Variants in CUX1 observed in about 807,000 individuals in gnomAD.
CUX1 encodes cut like homeobox 1, also known as protein CASP.
In CUX1, 31 loss-of-function variants were observed where a neutral mutation model predicts 158.8. The ratio of observed to expected loss-of-function variants is 0.20; its 90% CI spans 0.15 to 0.26. The LOEUF is 0.26. Ranked by LOEUF, CUX1 falls within the 10% of genes least tolerant of loss-of-function variation. The probability of loss-of-function intolerance (pLI) is 1.00; values close to 1 mark genes in which losing one functional copy is unlikely to be tolerated. For missense variants in CUX1, 1,589 were observed against 2,014.6 expected, an observed-to-expected ratio of 0.79 and a Z score of 4.04; for synonymous variants, 879 against 862.1, an observed-to-expected ratio of 1.02 and a Z score of -0.34.
intron 17 of CUX1, among the ~76,000 whole-genome samples, chr7:102,200,755 C>T (rs998831273): frequency 4.6e-5 from 7 of 151,840 alleles, no homozygotes; most frequent in African/African-American, 7.3e-5. Flanking sequence ...AGAGGTCAGG[C>T]GCGGTGGCTC....
At position 102,069,500 on chromosome 7, in the gene CUX1, G is replaced by A. The variant is rs574087967; in HGVS notation, c.190-839G>A. 3.2e-4 allele frequency among the ~76,000 whole-genome samples: 49 copies of A among 152,268 alleles called. 2 individuals carry two copies. The South Asian group carries it at 7.1e-3, about 22-fold the overall frequency. On this transcript the variant is annotated intron_variant, in intron 3 of 23. Transcript: ENST00000292535. ...GCAGTGGCTCACGCCTGTAATCCCCGCACTTTGGGAGGCTGAGGCGGGCAG... is the reference window on the plus strand; with the variant it reads ...GCAGTGGCTCACGCCTGTAATCCCCACACTTTGGGAGGCTGAGGCGGGCAG...
chr7:102,191,036 A>G (rs765638767), intron 12 of CUX1, among the ~76,000 whole-genome samples: 10 of 152,068 alleles, frequency 6.6e-5, no homozygotes, highest in Non-Finnish European at 1.2e-4. Flanking sequence ...TCTCACTTCC[A>G]TGACCAGCTG....
intron 1 of CUX1, among the ~76,000 whole-genome samples, chr7:101,827,243 T>TCCTTCTCTTCTCTTCTCTTC (rs1304139881): frequency 3.4e-4 from 18 of 53,430 alleles, no homozygotes; most frequent in Non-Finnish European, 6.2e-4. Flanking sequence ...TCCCCTCCCC[T>TCCTTCTCTTCTCTTCTCTTC]CCTTCTCTTC....
At chr7:102,061,394 G>A (rs1242785988) in intron 3 of CUX1, among the ~76,000 whole-genome samples, 1 of 152,126 alleles carries the variant, frequency 6.6e-6, no homozygotes, top group Non-Finnish European at 1.5e-5. Flanking sequence ...CCCTAGGAGG[G>A]GCCAGGAGCC....
chr7:102,195,382 C>T, intron 13 of CUX1, 125 bp from the exon 14 acceptor site: 1 of 693,580 alleles, frequency 1.4e-6, no homozygotes, highest in Non-Finnish European at 2.3e-6. Context: ...AGCCCACTTC[C>T]TAATCAGATC....
At chr7:102,165,055 A>G (rs528100003) in intron 9 of CUX1, among the ~76,000 whole-genome samples, 68 of 152,202 alleles carry the variant, frequency 4.5e-4, no homozygotes, top group African/African-American at 1.6e-3. Context: ...TGTTGGTTCC[A>G]GAGGGAGAAG....
chr7:101,922,703 A>AT (rs758218822), intron 2 of CUX1, among the ~76,000 whole-genome samples: 2 of 152,168 alleles, frequency 1.3e-5, no homozygotes, highest in Non-Finnish European at 2.9e-5. Flanking sequence ...TGGGTGACAG[A>AT]TGAGTACCAA....
chr7:102,222,944 C>T (rs1274463627), intron 20 of CUX1, among the ~76,000 whole-genome samples: 4 of 150,172 alleles, frequency 2.7e-5, no homozygotes, highest in Admixed American at 6.7e-5. Flanking sequence ...CTCAGCTTCC[C>T]GAGTAGCTGG....
At chr7:102,045,047 C>T (rs1822574556) in intron 3 of CUX1, among the ~76,000 whole-genome samples, 1 of 152,142 alleles carries the variant, frequency 6.6e-6, no homozygotes, top group Non-Finnish European at 1.5e-5. Flanking sequence ...GATGTGGCTG[C>T]TGTACTGTCA....
intron 1 of CUX1, among the ~76,000 whole-genome samples, chr7:101,863,600 C>T (rs1797678940): frequency 6.6e-6 from 1 of 152,242 alleles, no homozygotes; most frequent in African/African-American, 2.4e-5. Context: ...ATCCACCCGC[C>T]TCGGCCTCCC....
At position 102,215,599 on chromosome 7, in the gene CUX1, C is replaced by A. The variant is rs1796973568; in HGVS notation, c.3130+10429C>A. On this transcript the variant is annotated intron_variant, in intron 20 of 23. Coordinates refer to ENST00000292535, the MANE Select transcript of CUX1 (RefSeq NM_181552.4). The stretch of plus-strand genomic sequence containing the variant: ...CAATTTCATCACAAATTAAGTAAAG[C>A]AGTATGGAGAGATTAGGAGGACGTG... Among the ~76,000 whole-genome samples, 3 of 152,134 alleles carry A rather than the reference C, an allele frequency of 2.0e-5. No homozygotes were observed. In the South Asian group the frequency reaches 6.2e-4, roughly 32 times the overall value.
intron 2 of CUX1, among the ~76,000 whole-genome samples, chr7:101,936,671 C>T (rs1806981635): frequency 2.0e-5 from 3 of 152,228 alleles, no homozygotes; most frequent in Admixed American, 6.5e-5. Context: ...TGTGTTTGTG[C>T]GGAGGGTGGC....
intron 8 of CUX1, among the ~76,000 whole-genome samples, chr7:102,122,081 C>A (rs1832106253): frequency 6.6e-6 from 1 of 152,162 alleles, no homozygotes; most frequent in Admixed American, 6.5e-5. Context: ...ACCCAGCTGT[C>A]TTGACCATCA....
intron 1 of CUX1, among the ~76,000 whole-genome samples, chr7:101,903,750 A>G (rs1802424395): frequency 6.6e-6 from 1 of 152,084 alleles, no homozygotes; most frequent in Admixed American, 6.5e-5. Context: ...AGCGTCTAGC[A>G]AGTATTCTAT....
chr7:101,883,587 A>AT (rs918723843), intron 1 of CUX1, among the ~76,000 whole-genome samples: 296 of 124,588 alleles, frequency 2.4e-3, no homozygotes, highest in Middle Eastern at 7.8e-3. Flanking sequence ...TTTTTCTTTA[A>AT]TTTTTTTTTG....
intron 4 of CUX1, among the ~76,000 whole-genome samples, chr7:102,077,361 A>G (rs1014830110): frequency 2.6e-5 from 4 of 151,898 alleles, no homozygotes; most frequent in African/African-American, 9.7e-5. Context: ...CAGCAGCCAG[A>G]CGGAGACACT....
chr7:101,893,405 G>A (rs535889829), intron 1 of CUX1, among the ~76,000 whole-genome samples: 2 of 152,164 alleles, frequency 1.3e-5, no homozygotes, highest in South Asian at 4.1e-4. Context: ...AAAACTGCAC[G>A]TGAAAGATTT....
At chr7:101,816,899 C>T (rs1359487414), upstream of CUX1, 1 of 980,348 alleles carries the variant, frequency 1.0e-6, no homozygotes, top group Non-Finnish European at 1.2e-6. Flanking sequence ...TCCGGCACCC[C>T]GCGTGTGGCT....
intron 2 of CUX1, among the ~76,000 whole-genome samples, chr7:101,998,431 G>A (rs1379342278): frequency 3.9e-5 from 6 of 152,202 alleles, no homozygotes; most frequent in Admixed American, 6.5e-5. Flanking sequence ...CCAAGGGTCG[G>A]GCAGGGATAC....
Sources: allele counts gnomAD v4.1 joint callset (sites outside exome capture counted in the v4.1 genomes callset), GRCh38; gene constraint gnomAD v4.1.1; transcripts MANE v1.5; gene names NCBI Gene and HGNC (gene_info 2026-07-23, HGNC 2026-07-21).